Variants in RPH3A observed in about 807,000 individuals in gnomAD.
RPH3A encodes rabphilin-3A.
Under a neutral mutation model 102.2 loss-of-function variants are expected in RPH3A, and 48 were observed. That is an observed-to-expected ratio of 0.47 (90% CI 0.37 to 0.60). The LOEUF is 0.60. Among genes scored for constraint, RPH3A ranks in the 20% least tolerant of loss-of-function variants. The probability of loss-of-function intolerance (pLI) is 0.00; values close to 1 mark genes in which losing one functional copy is unlikely to be tolerated. For missense variants in RPH3A, 781 were observed against 910.1 expected, an observed-to-expected ratio of 0.86 and a Z score of 1.83; for synonymous variants, 310 against 324.3, an observed-to-expected ratio of 0.96 and a Z score of 0.47.
chr12:112,606,002 G>A (rs1247378226), intron 1 of RPH3A, among the ~76,000 whole-genome samples: 2 of 152,136 alleles, frequency 1.3e-5, no homozygotes, highest in African/African-American at 2.4e-5. Flanking sequence ...CAAAAATTCT[G>A]TTAAAAAAGT....
chr12:112,675,413 T>C (rs1480802044), intron 1 of RPH3A, among the ~76,000 whole-genome samples: 1 of 152,170 alleles, frequency 6.6e-6, no homozygotes, highest in Non-Finnish European at 1.5e-5. Context: ...AACCATTAAC[T>C]GGGTACCAGC....
intron 1 of RPH3A, among the ~76,000 whole-genome samples, chr12:112,671,737 C>G (rs2040131392): frequency 6.6e-6 from 1 of 152,150 alleles, no homozygotes; most frequent in South Asian, 2.1e-4. Context: ...GAATTAGAGG[C>G]ACTATTCAGC....
chr12:112,766,194 T>C (rs2040887279), intron 1 of RPH3A, among the ~76,000 whole-genome samples: 1 of 152,162 alleles, frequency 6.6e-6, no homozygotes, highest in Admixed American at 6.5e-5. Flanking sequence ...TTCCTAGCTG[T>C]GTGAAGTTGA....
chr12:112,620,672 G>A (rs1420445464), intron 1 of RPH3A, among the ~76,000 whole-genome samples: 1 of 152,180 alleles, frequency 6.6e-6, no homozygotes, highest in Non-Finnish European at 1.5e-5. Flanking sequence ...GAAGTTCAAA[G>A]TTAGCATGTT....
intron 1 of RPH3A, among the ~76,000 whole-genome samples, chr12:112,642,071 C>T (rs1198955533): frequency 2.0e-5 from 3 of 152,116 alleles, no homozygotes; most frequent in Admixed American, 6.5e-5. Context: ...CTGCAGCTTG[C>T]TAAATGCTGG....
chr12:112,825,767 A>C (rs1268014877), intron 2 of RPH3A, among the ~76,000 whole-genome samples: 1 of 152,198 alleles, frequency 6.6e-6, no homozygotes, highest in Admixed American at 6.5e-5. Context: ...GGGGGATTCA[A>C]GCTCTAAGCA....
intron 1 of RPH3A, among the ~76,000 whole-genome samples, chr12:112,687,253 T>C (rs1406924179): frequency 6.6e-6 from 1 of 152,198 alleles, no homozygotes; most frequent in Non-Finnish European, 1.5e-5. Flanking sequence ...AGCTTTTCAA[T>C]GGGGGATATC....
chr12:112,837,197 T>G (rs546882993), intron 4 of RPH3A, among the ~76,000 whole-genome samples: 1 of 152,350 alleles, frequency 6.6e-6, no homozygotes, highest in African/African-American at 2.4e-5. Flanking sequence ...TCACGGTCCC[T>G]GTGGCCTGGG....
At chr12:112,650,365 C>T (rs181208821) in intron 1 of RPH3A, among the ~76,000 whole-genome samples, 3 of 152,330 alleles carry the variant, frequency 2.0e-5, no homozygotes, top group African/African-American at 4.8e-5. Flanking sequence ...AACCTCTCTG[C>T]TGCACTGAGA....
At chr12:112,843,848 C>T (rs759943137) in intron 4 of RPH3A, among the ~76,000 whole-genome samples, 6 of 152,066 alleles carry the variant, frequency 3.9e-5, no homozygotes, top group East Asian at 3.9e-4. Flanking sequence ...TGGTGAGACT[C>T]GGGAGTGGCT....
At chr12:112,773,633 A>G (rs2040943210) in intron 1 of RPH3A, among the ~76,000 whole-genome samples, 1 of 151,752 alleles carries the variant, frequency 6.6e-6, no homozygotes. Context: ...TGATGTTTAT[A>G]TGCAACATTC....
intron 1 of RPH3A, among the ~76,000 whole-genome samples, chr12:112,748,893 T>A (rs114882479): frequency 0.042 from 6,397 of 152,168 alleles, 431 homozygotes; most frequent in African/African-American, 0.15. Context: ...TTTTTTTTTT[T>A]AATTATGCCA....
At chr12:112,778,800 A>G (rs1193042509) in intron 1 of RPH3A, among the ~76,000 whole-genome samples, 1 of 152,238 alleles carries the variant, frequency 6.6e-6, no homozygotes, top group African/African-American at 2.4e-5. Flanking sequence ...GAATGCCTGC[A>G]AAAGTTTCAG....
At chr12:112,878,180 G>T (rs1160738155) in intron 13 of RPH3A, among the ~76,000 whole-genome samples, 1 of 152,148 alleles carries the variant, frequency 6.6e-6, no homozygotes, top group East Asian at 1.9e-4. Context: ...TCAGCCACAG[G>T]CTGGTTCTGC....
At chr12:112,851,599 G>A (rs2042323730) in intron 5 of RPH3A, among the ~76,000 whole-genome samples, 1 of 152,138 alleles carries the variant, frequency 6.6e-6, no homozygotes, top group Admixed American at 6.5e-5. Flanking sequence ...TTTTGCAAGG[G>A]TTAGCTGTCC....
chr12:112,883,321 G>A lies in RPH3A; in HGVS notation c.1355G>A (p.Arg452Gln), dbSNP rs767497432. The change falls in exon 16 of 22, where the codon CGG becomes CAG. Residue 452 changes from arginine to glutamine, a missense_variant. Arg to Gln is a conservative substitution (Grantham distance 43). Around this residue, in one of 2 missense-constraint regions of RPH3A, gnomAD observed 730 missense variants for 810.0 expected, o/e 0.90. Transcript: ENST00000389385. The part of the protein sequence containing the change: ...KSNKLRTKTL[R>Q]NTRNPIWNET... ...AACAAGCTTCGTACAAAAACTCTGC[G>A]GAATACCCGGAACCCCATCTGGAAT... 13 of 1,613,930 alleles carry A rather than the reference G, an allele frequency of 8.1e-6. No homozygotes were observed. The highest frequency in any genetic ancestry group is 6.7e-5 in the Admixed American group (4 of 59,994).
intron 1 of RPH3A, among the ~76,000 whole-genome samples, chr12:112,640,258 G>A (rs925469235): frequency 6.9e-6 from 1 of 145,352 alleles, no homozygotes; most frequent in Admixed American, 7.1e-5. Context: ...CCAGGAGGTG[G>A]AGGTTGCAGT....
At chr12:112,764,869 A>G (rs1236516850) in intron 1 of RPH3A, among the ~76,000 whole-genome samples, 2 of 151,868 alleles carry the variant, frequency 1.3e-5, no homozygotes, top group Non-Finnish European at 2.9e-5. Context: ...GAGCTTTTTC[A>G]TCCCCCCATA....
chr12:112,648,415 T>C (rs1391299890), intron 1 of RPH3A, among the ~76,000 whole-genome samples: 18 of 151,016 alleles, frequency 1.2e-4, no homozygotes, highest in Non-Finnish European at 2.5e-4. Context: ...GGGTTGTTTC[T>C]GTAGGTGACA....
Sources: gnomAD v4.1 joint callset for allele counts (sites outside exome capture counted in the v4.1 genomes callset) on GRCh38, gnomAD v4.1.1 for gene constraint, gnomAD v4.1.1 regional missense constraint, MANE v1.5 for transcripts, NCBI Gene and HGNC (gene_info 2026-07-23, HGNC 2026-07-21) for gene names.